The following ANKZF1 variants were observed in gnomAD, a reference collection of about 807,000 sequenced individuals.
The protein encoded by ANKZF1 is tRNA endonuclease ANKZF1.
In ANKZF1, 84 loss-of-function variants were observed where a neutral mutation model predicts 86.0. The observed-to-expected ratio is 0.98, with a 90% CI of 0.82 to 1.17. The LOEUF (loss-of-function observed/expected upper bound fraction) is 1.17. ANKZF1 is among the 50% of genes most tolerant of loss of function. The probability of loss-of-function intolerance (pLI) is 0.00; values close to 1 mark genes in which losing one functional copy is unlikely to be tolerated. For synonymous variants in ANKZF1, 331 were observed against 354.2 expected (o/e 0.93, Z 0.74); for missense variants, 893 against 918.4 (o/e 0.97, Z 0.36).
rs1258103114 is a variant in ANKZF1 at position 219,236,466 on chromosome 2, G to A, written c.*21G>A. 2 of 1,552,712 alleles carry A rather than the reference G, an allele frequency of 1.3e-6. No homozygotes were observed. The highest frequency in any genetic ancestry group is 2.0e-5 in the Admixed American group (1 of 50,176). On this transcript the variant is annotated 3_prime_UTR_variant, in exon 14 of 14. Transcript: ENST00000323348. ...CCTGATCTCTTACAGCTCTACCTGG[G>A]GCCAACTCAGGGACCTGAGAGGGCA...
In ANKZF1 at chr2:219,232,036, A is replaced by G. The variant is rs1951055697; in HGVS notation, c.257A>G (p.Glu86Gly). 1 of 1,604,700 alleles carries G rather than the reference A, an allele frequency of 6.2e-7. No homozygotes were observed. The change falls in exon 3 of 14, where the codon GAA becomes GGA. Residue 86 changes from glutamate to glycine, a missense_variant. Coordinates refer to ENST00000323348, the MANE Select transcript of ANKZF1 (RefSeq NM_018089.3). ...TCDQTFQNHQ[E>G]QREHYKLDWH... ...GACCAGACCTTCCAGAACCACCAAG[A>G]ACAGGTAATAGGTCAGGTGCAGAGC...
rs367763893 is a variant in ANKZF1, at chr2:219,232,377, G to T, written c.364+15G>T. The T allele has an allele frequency of 1.9e-5, 30 of 1,613,508 alleles. No individual in the cohort carries two copies. The African/African-American group carries it at 3.6e-4, about 19-fold the overall frequency. ...GAGCTCCACAGGTGATGAGTGGTAGGGGGACCTATGTAGGAGTAGGACATG... is the reference window on the plus strand; with the variant it reads ...GAGCTCCACAGGTGATGAGTGGTAGTGGGACCTATGTAGGAGTAGGACATG... On this transcript the variant is annotated intron_variant, in intron 4 of 13. Transcript: ENST00000323348.
In ANKZF1 at chr2:219,234,138, G is replaced by T. The variant is rs764856870; in HGVS notation, c.1054G>T (p.Asp352Tyr). The T allele has an allele frequency of 1.3e-5, 21 of 1,608,384 alleles. No individual in the cohort carries two copies. The highest frequency in any genetic ancestry group is 1.8e-5 in the Non-Finnish European group (21 of 1,178,652). Residue 352 changes from aspartate (D) to tyrosine (Y), a missense_variant, in exon 9 of 14, where the codon GAC (aspartate) becomes TAC (tyrosine). Transcript: ENST00000323348. The part of the protein sequence containing the change: ...KLTTLHVYEE[D>Y]PREAVRLHSP... ...GATCTTTTCTTTTATGGCAGAAGAA[G>T]ACCCTCGGGAAGCAGTCAGACTGCA...
rs775103160 is a variant in ANKZF1, at chr2:219,234,196, A to T, written c.1112A>T (p.Glu371Val). ...SPQTHWKTVR[E>V]ERKKPTEEEI... ...CAGACACACTGGAAAACAGTAAGAG[A>T]GGAGAGAAAGAAGCCTACTGAGGAA... The change falls in exon 9 of 14, where the codon GAG becomes GTG. Residue 371 changes from glutamate (E) to valine (V), a missense_variant. Coordinates refer to ENST00000323348, the MANE Select transcript of ANKZF1 (RefSeq NM_018089.3). The T allele has an allele frequency of 2.5e-6, 4 of 1,614,144 alleles. No homozygotes were observed. The highest frequency in any genetic ancestry group is 3.4e-6 in the Non-Finnish European group (4 of 1,180,028).
chr2:219,232,231 C>T (rs1332888668), intron 3 of ANKZF1, 29 bp from the exon 4 acceptor site: 1 of 1,607,152 alleles, frequency 6.2e-7, no homozygotes, highest in Non-Finnish European at 8.5e-7. Flanking sequence ...ATATTTCCAC[C>T]TTTATCTCAC....
rs80347238 is a variant in ANKZF1, at chr2:219,235,496, T to C, written c.1714T>C (p.Tyr572His). The change falls in exon 11 of 14, where the codon TAT becomes CAT. Residue 572 changes from tyrosine to histidine, a missense_variant. Physicochemically the swap from Tyr to His is moderately conservative, Grantham distance 83. Coordinates refer to ENST00000323348, the MANE Select transcript of ANKZF1 (RefSeq NM_018089.3). ...TAGGGACTCTCGGGCCCGGCCACCTTATACTGTTGCGGCTGACAAATCAAC... is the reference window on the plus strand; with the variant it reads ...TAGGGACTCTCGGGCCCGGCCACCTCATACTGTTGCGGCTGACAAATCAAC... ...TVQDSRARPP[Y>H]TVAADKSTRN... The C allele has an allele frequency of 1.9e-5, 30 of 1,614,016 alleles. No individual in the cohort carries two copies. In the African/African-American group the frequency reaches 3.3e-4, roughly 18 times the overall value.
rs1951246715 is a variant in ANKZF1, at chr2:219,236,617, C to G, written c.*172C>G. On this transcript the variant is annotated 3_prime_UTR_variant, in exon 14 of 14. Transcript: ENST00000323348. ...GAGGTATGTGGAGCTGGTACTGTCT[C>G]TGGAATTTTAATCACAATAAAGTTT... The G allele has an allele frequency of 1.2e-6, 1 of 851,280 alleles. No homozygotes were observed. Among genetic ancestry groups the G allele is most frequent in the South Asian group, 2.0e-5 (1 of 50,240 alleles). The allele number at this position is 851,280 out of a possible 1,614,324, so 52.7% of individuals were successfully genotyped here.
At chr2:219,232,900 T>G (rs1215620274) in intron 5 of ANKZF1, 179 bp from the exon 6 acceptor site, 1 of 819,488 alleles carries the variant, frequency 1.2e-6, no homozygotes, top group African/African-American at 1.7e-5. Context: ...AGGTTTGAAT[T>G]GTGATTCTAC....
At chr2:219,235,965 A>G in intron 12 of ANKZF1, 45 bp from the exon 13 acceptor site, 1 of 1,613,942 alleles carries the variant, frequency 6.2e-7, no homozygotes, top group South Asian at 1.1e-5. Context: ...TGGGTGCCCT[A>G]CTCGCCACTG....
Position 219,234,951 on chromosome 2 carries a change from A to G in ANKZF1, c.1330A>G (p.Lys444Glu), listed in dbSNP as rs994031957. The G allele has an allele frequency of 1.2e-6, 2 of 1,614,196 alleles. No homozygotes were observed. The highest frequency in any genetic ancestry group is 1.7e-6 in the Non-Finnish European group (2 of 1,180,034). The change falls in exon 10 of 14, where the codon AAG becomes GAG. Residue 444 changes from lysine (K) to glutamate (E), a missense_variant. Lys to Glu is a moderately conservative substitution (Grantham distance 56, BLOSUM62 1). Transcript: ENST00000323348. ...PKRRRRKRNK[K>E]EKSRDQEAGA... ...GCGGAGGAGGAGAAAAAGGAATAAGAAGGAGAAAAGCCGAGACCAGGAGGC... is the reference window on the plus strand; with the variant it reads ...GCGGAGGAGGAGAAAAAGGAATAAGGAGGAGAAAAGCCGAGACCAGGAGGC...
chr2:219,231,600 T>G (rs1049606941), intron 2 of ANKZF1: 2 of 256,236 alleles, frequency 7.8e-6, no homozygotes, highest in African/African-American at 4.6e-5. Flanking sequence ...TTCACCGTGT[T>G]AGCCAGGATG....
intron 1 of ANKZF1, 40 bp from the exon 2 acceptor site, chr2:219,230,188 G>C (rs920910195): frequency 6.4e-7 from 1 of 1,557,566 alleles, no homozygotes; most frequent in Middle Eastern, 2.3e-4. Flanking sequence ...GTAGGATCTC[G>C]TTTGCAGGAG....
chr2:219,233,214 T>C (rs1435693305), intron 6 of ANKZF1, 23 bp downstream of exon 6: 1 of 1,614,078 alleles, frequency 6.2e-7, no homozygotes, highest in South Asian at 1.1e-5. Context: ...TGCATGGGGG[T>C]AAGGATGGAG....
At chr2:219,233,263 T>C (rs1212740889) in intron 6 of ANKZF1, 23 bp from the exon 7 acceptor site, 1 of 1,614,092 alleles carries the variant, frequency 6.2e-7, no homozygotes, top group East Asian at 2.2e-5. Flanking sequence ...TGGTCTCCAG[T>C]ACTGAGTCTG....
chr2:219,234,098 G>A (rs367760517), intron 8 of ANKZF1, 35 bp from the exon 9 acceptor site: 571 of 1,599,016 alleles, frequency 3.6e-4, no homozygotes, highest in Non-Finnish European at 4.7e-4. Context: ...CTTCTCCTCA[G>A]CTAAGGTTGA....
In ANKZF1 at chr2:219,234,988, G is replaced by A. The variant is rs751709088; in HGVS notation, c.1367G>A (p.Arg456Gln). ...CGAGACCAGGAGGCTGGGGCACATC[G>A]GACTCTTCTCCAGCAAACTCAAGAA... ...KSRDQEAGAH[R>Q]TLLQQTQEEE... The change falls in exon 10 of 14, where the codon CGG becomes CAG. Residue 456 changes from arginine to glutamine, a missense_variant. Arg to Gln is a conservative substitution (Grantham distance 43). Transcript: ENST00000323348. The A allele has an allele frequency of 2.7e-5, 44 of 1,614,108 alleles. No homozygotes were observed. Among genetic ancestry groups the A allele is most frequent in the Non-Finnish European group, 3.5e-5 (41 of 1,180,050 alleles).
rs745936224 is a variant in ANKZF1 at position 219,235,348 on chromosome 2, A to G, written c.1691+36A>G. 3.1e-6 allele frequency: 5 copies of G among 1,598,112 alleles called. No homozygotes were observed. The Admixed American group carries it at 8.5e-5, about 27-fold the overall frequency. The stretch of plus-strand genomic sequence containing the variant: ...GTCCCCATCCTGAGTCATTTTGGGT[A>G]TAGAGAGGATAATTTGGAGGTTAAA... On this transcript the variant is annotated intron_variant, in intron 10 of 13. Transcript: ENST00000323348.
chr2:219,236,430 G>T lies in ANKZF1; in HGVS notation c.2166G>T (p.Gly722=). ...RCLQDHRRQA[G]RPSS is the part of the protein sequence containing the mutation. ...TCCAGGATCATCGCCGTCAGGCAGG[G>T]AGGCCCTCTTCCTGATCTCTTACAG... Residue 722 remains glycine, a synonymous_variant, in exon 14 of 14, where the codon GGG becomes GGT. Transcript: ENST00000323348. 1 of 1,606,790 alleles carries T rather than the reference G, an allele frequency of 6.2e-7. No homozygotes were observed.
rs1325575950 is a variant in ANKZF1, at chr2:219,236,053, CCCCTACCTCTCCAAT to C, written c.2020_2034del (p.Thr674_Pro678del). 6.2e-7 allele frequency: 1 copy of C among 1,614,100 alleles called. No individual in the cohort carries two copies. Among genetic ancestry groups the C allele is most frequent in the Non-Finnish European group, 8.5e-7 (1 of 1,180,052 alleles). Reference sequence around the variant, plus strand: ...CGCCGACTCGCTGCCCAGTTGGGAGCCCCTACCTCTCCAATCCCTGACTCTGCAATCGTCAATACT... The same window carrying C: ...CGCCGACTCGCTGCCCAGTTGGGAGCCCCTGACTCTGCAATCGTCAATACT... On this transcript the variant is annotated inframe_deletion, in exon 13 of 14. Coordinates refer to ENST00000323348, the MANE Select transcript of ANKZF1 (RefSeq NM_018089.3).
Sources: allele counts gnomAD v4.1 joint callset, GRCh38; gene constraint gnomAD v4.1.1; transcripts MANE v1.5; gene names NCBI Gene and HGNC (gene_info 2026-07-23, HGNC 2026-07-21).